Variants in BNC2 observed in about 807,000 individuals in gnomAD.
The protein encoded by BNC2 is basonuclin zinc finger protein 2.
Under a neutral mutation model 76.3 loss-of-function variants are expected in BNC2, and 20 were observed. The observed-to-expected ratio is 0.26, with a 90% CI of 0.18 to 0.38. The LOEUF (loss-of-function observed/expected upper bound fraction) is 0.38, where lower values mean the gene tolerates loss of function less well. BNC2 is among the 10% of genes least tolerant of loss of function. The probability of loss-of-function intolerance (pLI) is 1.00; values close to 1 mark genes in which losing one functional copy is unlikely to be tolerated. For synonymous variants in BNC2, 582 were observed against 514.8 expected, an observed-to-expected ratio of 1.13 and a Z score of -1.77; for missense variants, 1,382 against 1,399.8, an observed-to-expected ratio of 0.99 and a Z score of 0.20.
chr9:16,849,545 G>A (rs1366400746), intron 1 of BNC2, among the ~76,000 whole-genome samples: 1 of 151,846 alleles, frequency 6.6e-6, no homozygotes, highest in Non-Finnish European at 1.5e-5. Flanking sequence ...TTTTAGTAGA[G>A]ATGGGGTTTC....
chr9:16,490,820 A>G (rs1031551413), intron 5 of BNC2, among the ~76,000 whole-genome samples: 5 of 152,246 alleles, frequency 3.3e-5, no homozygotes, highest in African/African-American at 1.2e-4. Context: ...ACACAACTAC[A>G]TAACAATAAA....
chr9:16,647,180 T>C (rs181488061), intron 3 of BNC2, among the ~76,000 whole-genome samples: 6 of 152,266 alleles, frequency 3.9e-5, no homozygotes, highest in African/African-American at 9.6e-5. Flanking sequence ...CCCTTCTTTG[T>C]TGAGATTTGG....
intron 1 of BNC2, among the ~76,000 whole-genome samples, chr9:16,777,905 G>A (rs1204417682): frequency 3.3e-5 from 5 of 152,092 alleles, no homozygotes; most frequent in African/African-American, 9.7e-5. Context: ...TACATTCCAT[G>A]TTACTAAACA....
At chr9:16,646,096 C>A (rs990540989) in intron 3 of BNC2, among the ~76,000 whole-genome samples, 1 of 152,202 alleles carries the variant, frequency 6.6e-6, no homozygotes, top group Admixed American at 6.5e-5. Context: ...AGTTTCACAA[C>A]GTAAGTGAGG....
At chr9:16,549,123 A>G (rs972326530) in intron 5 of BNC2, among the ~76,000 whole-genome samples, 3 of 152,186 alleles carry the variant, frequency 2.0e-5, no homozygotes, top group Non-Finnish European at 4.4e-5. Flanking sequence ...TCTTCCCCCT[A>G]CATCCAAAAA....
At chr9:16,494,923 T>C (rs936413492) in intron 5 of BNC2, among the ~76,000 whole-genome samples, 2 of 152,186 alleles carry the variant, frequency 1.3e-5, no homozygotes, top group African/African-American at 4.8e-5. Context: ...GGCACATGTA[T>C]ACCTATGTAA....
intron 1 of BNC2, among the ~76,000 whole-genome samples, chr9:16,811,793 T>G (rs369950645): frequency 1.3e-5 from 2 of 152,292 alleles, no homozygotes; most frequent in African/African-American, 4.8e-5. Context: ...CCCTAGTGAA[T>G]GGCCTTAGTG....
At chr9:16,542,242 C>T (rs563682482) in intron 5 of BNC2, among the ~76,000 whole-genome samples, 28 of 152,144 alleles carry the variant, frequency 1.8e-4, no homozygotes, top group Admixed American at 5.9e-4. Flanking sequence ...AGAAAAATGA[C>T]GATGAGTTCG....
intron 5 of BNC2, among the ~76,000 whole-genome samples, chr9:16,458,357 T>C (rs1331001255): frequency 6.6e-6 from 1 of 152,202 alleles, no homozygotes; most frequent in Admixed American, 6.5e-5. Context: ...GCTTTTGTGG[T>C]CCTTTTCAAC....
intron 1 of BNC2, among the ~76,000 whole-genome samples, chr9:16,813,456 G>A (rs890082066): frequency 6.6e-5 from 10 of 151,774 alleles, no homozygotes; most frequent in Non-Finnish European, 1.3e-4. Context: ...TAGTAGAGAC[G>A]GGGTTTCACC....
intron 1 of BNC2, among the ~76,000 whole-genome samples, chr9:16,848,321 G>C (rs149654086): frequency 2.1e-4 from 32 of 152,254 alleles, no homozygotes; most frequent in African/African-American, 7.7e-4. Context: ...GTGAAGAGGA[G>C]GTATTGTGAA....
At chr9:16,609,331 T>C (rs964231834) in intron 3 of BNC2, among the ~76,000 whole-genome samples, 2 of 151,782 alleles carry the variant, frequency 1.3e-5, no homozygotes, top group African/African-American at 2.4e-5. Flanking sequence ...CAATTTCCAA[T>C]AGAGGGGGGG....
chr9:16,773,370 C>G (rs1278891575), intron 1 of BNC2, among the ~76,000 whole-genome samples: 1 of 152,086 alleles, frequency 6.6e-6, no homozygotes, highest in African/African-American at 2.4e-5. Context: ...TTTTTCCCCT[C>G]TCTCTTTCAG....
chr9:16,445,625 C>T (rs1248677113), intron 5 of BNC2, among the ~76,000 whole-genome samples: 5 of 152,196 alleles, frequency 3.3e-5, no homozygotes, highest in Admixed American at 1.3e-4. Flanking sequence ...TGACCAATCA[C>T]ATCCCTACTC....
intron 3 of BNC2, among the ~76,000 whole-genome samples, chr9:16,586,707 T>C (rs1819781822): frequency 6.6e-6 from 1 of 152,154 alleles, no homozygotes; most frequent in Non-Finnish European, 1.5e-5. Flanking sequence ...GCTTCAAATA[T>C]CACCACTAAG....
intron 1 of BNC2, among the ~76,000 whole-genome samples, chr9:16,746,786 A>T (rs1825021628): frequency 6.6e-6 from 1 of 151,310 alleles, no homozygotes; most frequent in Non-Finnish European, 1.5e-5. Flanking sequence ...ACATGATGAA[A>T]CCTGTCTCTA....
At chr9:16,424,639 A>T (rs374395986) in intron 6 of BNC2, among the ~76,000 whole-genome samples, 2 of 152,288 alleles carry the variant, frequency 1.3e-5, no homozygotes, top group African/African-American at 4.8e-5. Flanking sequence ...GTGTGTACAT[A>T]TATGTATATG....
intron 1 of BNC2, among the ~76,000 whole-genome samples, chr9:16,763,678 A>C (rs1825615355): frequency 6.6e-6 from 1 of 152,224 alleles, no homozygotes; most frequent in African/African-American, 2.4e-5. Context: ...AGAACCCATC[A>C]TTCAGGTCTT....
At chr9:16,489,487 T>A (rs1822229657) in intron 5 of BNC2, among the ~76,000 whole-genome samples, 1 of 152,182 alleles carries the variant, frequency 6.6e-6, no homozygotes, top group South Asian at 2.1e-4. Flanking sequence ...GCATCAATCA[T>A]TGCTGGTCTC....
Sources: gnomAD v4.1 joint callset for allele counts (sites outside exome capture counted in the v4.1 genomes callset) on GRCh38, gnomAD v4.1.1 for gene constraint, MANE v1.5 for transcripts, NCBI Gene and HGNC (gene_info 2026-07-23, HGNC 2026-07-21) for gene names.